Variants in PTPRN2 observed in about 807,000 individuals in gnomAD.
PTPRN2 encodes the protein protein tyrosine phosphatase receptor type N2.
A neutral mutation model predicts 118.8 loss-of-function variants in PTPRN2; 74 were observed. The ratio of observed to expected loss-of-function variants is 0.62; its 90% CI spans 0.52 to 0.76. The LOEUF (loss-of-function observed/expected upper bound fraction) is 0.76, where lower values mean the gene tolerates loss of function less well. PTPRN2 is among the 30% of genes least tolerant of loss of function. The pLI, the probability that PTPRN2 is intolerant of heterozygous loss-of-function variation, is 0.00. For synonymous variants in PTPRN2, 641 were observed against 608.0 expected, an observed-to-expected ratio of 1.05 and a Z score of -0.80; for missense variants, 1,481 against 1,394.4, an observed-to-expected ratio of 1.06 and a Z score of -0.99.
chr7:157,819,123 G>C (rs1806629125), intron 12 of PTPRN2, among the ~76,000 whole-genome samples: 1 of 152,150 alleles, frequency 6.6e-6, no homozygotes, highest in Non-Finnish European at 1.5e-5. Context: ...GCTGGGCCTG[G>C]GTCCACAGTG....
At chr7:157,572,383 G>A (rs1232425814) in intron 19 of PTPRN2, among the ~76,000 whole-genome samples, 1 of 152,226 alleles carries the variant, frequency 6.6e-6, no homozygotes, top group African/African-American at 2.4e-5. Flanking sequence ...AAGAAAAATG[G>A]AAGTATGGAC....
intron 14 of PTPRN2, among the ~76,000 whole-genome samples, chr7:157,651,954 C>T (rs1805692375): frequency 1.3e-5 from 2 of 152,232 alleles, no homozygotes; most frequent in African/African-American, 2.4e-5. Context: ...GACTCAGCTT[C>T]TTCCAGACAG....
chr7:158,338,700 A>C (rs1334078323), intron 2 of PTPRN2, among the ~76,000 whole-genome samples: 1 of 14,972 alleles, frequency 6.7e-5, no homozygotes, highest in South Asian at 2.5e-3. Context: ...GAGGTGACAC[A>C]TGCAAACGTC....
chr7:157,600,344 T>C (rs1003257300), intron 16 of PTPRN2, among the ~76,000 whole-genome samples: 3 of 152,242 alleles, frequency 2.0e-5, no homozygotes, highest in African/African-American at 7.2e-5. Flanking sequence ...CCATTTGACT[T>C]CTCAAGTCTC....
At position 157,568,476 on chromosome 7, in the gene PTPRN2, G is replaced by A. The variant is rs541579033; in HGVS notation, c.2902+426C>T. ...TTAGTGTGCCTCTAGTGTGAATACC[G>A]TTTTGACAACAGTGGAGTTACACCA... On this transcript the variant is annotated intron_variant, in intron 21 of 22. Coordinates refer to ENST00000389418, the MANE Select transcript of PTPRN2 (RefSeq NM_002847.5). Among the ~76,000 whole-genome samples, 105 of 152,228 alleles carry A rather than the reference G, an allele frequency of 6.9e-4. 1 individual carries two copies. Among genetic ancestry groups the A allele is most frequent in the African/African-American group, 2.2e-3 (92 of 41,526 alleles).
intron 12 of PTPRN2, among the ~76,000 whole-genome samples, chr7:157,786,350 T>C (rs1804036708): frequency 6.6e-6 from 1 of 152,236 alleles, no homozygotes; most frequent in South Asian, 2.1e-4. Context: ...GTATCTGAAT[T>C]GTTATAAAGT....
chr7:157,710,761 A>T (rs1250555727), intron 12 of PTPRN2, among the ~76,000 whole-genome samples: 1 of 93,000 alleles, frequency 1.1e-5, no homozygotes, highest in African/African-American at 3.0e-5. Context: ...CAGCCCGCCC[A>T]TGTGCAGGAG....
At chr7:157,957,873 A>G (rs1242881348) in intron 11 of PTPRN2, among the ~76,000 whole-genome samples, 3 of 152,188 alleles carry the variant, frequency 2.0e-5, no homozygotes, top group African/African-American at 7.2e-5. Flanking sequence ...AGAGGAAACA[A>G]TTTCTAACTA....
intron 12 of PTPRN2, among the ~76,000 whole-genome samples, chr7:157,888,787 CCCA>C (rs1032126827): frequency 3.2e-4 from 48 of 152,280 alleles, no homozygotes; most frequent in Non-Finnish European, 1.0e-4. Context: ...CCCTCAGGTC[CCCA>C]CATTTGCTAA....
intron 2 of PTPRN2, among the ~76,000 whole-genome samples, chr7:158,417,101 G>C (rs1308524507): frequency 6.6e-6 from 1 of 150,932 alleles, no homozygotes; most frequent in East Asian, 2.0e-4. Flanking sequence ...GTGTTAAGTT[G>C]TGGTGTACTA....
chr7:157,565,219 G>A (rs1298379483), intron 21 of PTPRN2, among the ~76,000 whole-genome samples: 1 of 152,190 alleles, frequency 6.6e-6, no homozygotes, highest in East Asian at 1.9e-4. Flanking sequence ...CTGGGTCTAT[G>A]CCCGTGTGGA....
At chr7:158,482,281 T>C (rs12333967) in intron 2 of PTPRN2, among the ~76,000 whole-genome samples, 1 of 152,008 alleles carries the variant, frequency 6.6e-6, no homozygotes, top group Non-Finnish European at 1.5e-5. Flanking sequence ...TTTTGAAAAA[T>C]GTTCTACTGC....
chr7:158,142,004 C>G (rs750837576), intron 6 of PTPRN2, among the ~76,000 whole-genome samples: 1 of 152,218 alleles, frequency 6.6e-6, no homozygotes, highest in Admixed American at 6.5e-5. Flanking sequence ...GACGTTGAGG[C>G]CTCTGAATTG....
chr7:157,648,924 C>CT (rs1805378510), intron 14 of PTPRN2, among the ~76,000 whole-genome samples: 1 of 147,758 alleles, frequency 6.8e-6, no homozygotes, highest in Admixed American at 6.9e-5. Context: ...TCACTGTGCA[C>CT]TGAACTTGGT....
At chr7:158,248,060 G>C (rs2150880251) in intron 3 of PTPRN2, among the ~76,000 whole-genome samples, 1 of 152,302 alleles carries the variant, frequency 6.6e-6, no homozygotes, top group African/African-American at 2.4e-5. Flanking sequence ...TGAGGGTAAA[G>C]AATTAGAGAC....
chr7:158,325,759 A>G (rs1173914595), intron 2 of PTPRN2, among the ~76,000 whole-genome samples: 1 of 152,202 alleles, frequency 6.6e-6, no homozygotes, highest in Non-Finnish European at 1.5e-5. Flanking sequence ...CGGAGCAAGC[A>G]CTAGCACGTT....
In PTPRN2 at chr7:158,509,126, A is replaced by C. The variant is rs986696920; in HGVS notation, c.113-19341T>G. 6.6e-6 allele frequency among the ~76,000 whole-genome samples: 1 copy of C among 152,090 alleles called. No homozygotes were observed. Among genetic ancestry groups the C allele is most frequent in the Non-Finnish European group, 1.5e-5 (1 of 68,000 alleles). Reference sequence around the variant, plus strand: ...AGGGGAGAGGGAGAGAGAGAGCAGAAGGATGAGCTTCTGTTGAAGAGAGAG... The same window carrying C: ...AGGGGAGAGGGAGAGAGAGAGCAGACGGATGAGCTTCTGTTGAAGAGAGAG... On this transcript the variant is annotated intron_variant, in intron 1 of 22. Transcript: ENST00000389418. This position sits in a 1 kb window ranked among gnomAD's most constrained non-coding sequence, Gnocchi z 4.4.
intron 2 of PTPRN2, among the ~76,000 whole-genome samples, chr7:158,331,951 A>T (rs1385898334): frequency 6.6e-6 from 1 of 150,698 alleles, no homozygotes; most frequent in Non-Finnish European, 1.5e-5. Flanking sequence ...TCACACTCCC[A>T]CGATAAGAGC....
intron 1 of PTPRN2, among the ~76,000 whole-genome samples, chr7:158,576,919 A>C (rs925765262): frequency 8.0e-5 from 10 of 124,568 alleles, no homozygotes; most frequent in African/African-American, 3.0e-4. Flanking sequence ...ACCCTGCCTG[A>C]TGCCACAAAC....
Sources: allele counts gnomAD v4.1 joint callset (sites outside exome capture counted in the v4.1 genomes callset), GRCh38; gene constraint gnomAD v4.1.1; non-coding constraint Gnocchi (gnomAD v3.1); transcripts MANE v1.5; gene names NCBI Gene and HGNC (gene_info 2026-07-23, HGNC 2026-07-21).